SLC9A2: variants seen among roughly 807,000 people sequenced by gnomAD.
SLC9A2 encodes the protein sodium/hydrogen exchanger 2.
In SLC9A2, 42 loss-of-function variants were observed where a neutral mutation model predicts 71.7. The ratio of observed to expected loss-of-function variants is 0.59; its 90% CI spans 0.46 to 0.76. The LOEUF is 0.76. SLC9A2 is among the 30% of genes least tolerant of loss of function. The probability of loss-of-function intolerance (pLI) is 0.00; values close to 1 mark genes in which losing one functional copy is unlikely to be tolerated. For synonymous variants in SLC9A2, 396 were observed against 392.5 expected, an observed-to-expected ratio of 1.01 and a Z score of -0.10; for missense variants, 829 against 1,017.4, an observed-to-expected ratio of 0.81 and a Z score of 2.52.
At chr2:102,643,184 C>T (rs955076941) in intron 1 of SLC9A2, among the ~76,000 whole-genome samples, 15 of 152,134 alleles carry the variant, frequency 9.9e-5, no homozygotes, top group Admixed American at 2.6e-4. Context: ...ATGTTCTCTG[C>T]GTTCTTTACG....
At chr2:102,645,405 T>A (rs971897139) in intron 1 of SLC9A2, among the ~76,000 whole-genome samples, 2 of 152,036 alleles carry the variant, frequency 1.3e-5, no homozygotes, top group African/African-American at 2.4e-5. Flanking sequence ...CTCCAAATGA[T>A]AACAACTCCT....
chr2:102,623,259 GC>G (rs886577470), intron 1 of SLC9A2, among the ~76,000 whole-genome samples: 1 of 152,290 alleles, frequency 6.6e-6, no homozygotes, highest in Admixed American at 6.5e-5. Flanking sequence ...TAATTTCCAT[GC>G]AGAGAGTGGT....
intron 2 of SLC9A2, among the ~76,000 whole-genome samples, chr2:102,659,265 C>T (rs980839936): frequency 2.1e-4 from 23 of 108,526 alleles, no homozygotes; most frequent in African/African-American, 8.5e-4. Context: ...CCTGTCTCTA[C>T]TAAAAATACA....
At chr2:102,645,673 C>T (rs113048667) in intron 1 of SLC9A2, among the ~76,000 whole-genome samples, 7,755 of 151,482 alleles carry the variant, frequency 0.051, 602 homozygotes, top group African/African-American at 0.17. Flanking sequence ...TGTCAATAGC[C>T]GAATTAATCA....
rs140879538 is a variant in SLC9A2, at chr2:102,674,810, A to C, written c.1005-8451A>C. On this transcript the variant is annotated intron_variant, in intron 3 of 11. Coordinates refer to ENST00000233969, the MANE Select transcript of SLC9A2 (RefSeq NM_003048.6). ...GGACAAGGGACTCCTATGTCTGCCT[A>C]AGCATTTCTCTCTCTCAACTTTGTG... Among the ~76,000 whole-genome samples, 97 of 152,308 alleles carry C rather than the reference A, an allele frequency of 6.4e-4. 1 individual carries two copies. Among genetic ancestry groups the C allele is most frequent in the Middle Eastern group, 3.4e-3 (1 of 294 alleles).
At chr2:102,667,221 A>T (rs1677158603) in intron 3 of SLC9A2, among the ~76,000 whole-genome samples, 1 of 151,760 alleles carries the variant, frequency 6.6e-6, no homozygotes, top group African/African-American at 2.4e-5. Context: ...TATGACTTCC[A>T]GTTTCCTCAC....
chr2:102,685,672 G>C (rs1479679356), intron 5 of SLC9A2, among the ~76,000 whole-genome samples: 1 of 151,378 alleles, frequency 6.6e-6, no homozygotes, highest in Non-Finnish European at 1.5e-5. Context: ...TTTGGCCTGA[G>C]CAGCTAGAAG....
intron 3 of SLC9A2, among the ~76,000 whole-genome samples, chr2:102,675,462 A>T (rs980492233): frequency 1.3e-5 from 2 of 152,140 alleles, no homozygotes; most frequent in African/African-American, 2.4e-5. Context: ...ACACCATGAC[A>T]CTTACAACTG....
chr2:102,674,432 C>T (rs1187828762), intron 3 of SLC9A2, among the ~76,000 whole-genome samples: 1 of 152,154 alleles, frequency 6.6e-6, no homozygotes, highest in Non-Finnish European at 1.5e-5. Flanking sequence ...CTGCCTGCAG[C>T]TCCTCTTGAT....
At chr2:102,652,489 A>G (rs1180831475) in intron 1 of SLC9A2, among the ~76,000 whole-genome samples, 1 of 152,112 alleles carries the variant, frequency 6.6e-6, no homozygotes, top group Non-Finnish European at 1.5e-5. Flanking sequence ...AGGAAAATCC[A>G]CATCCAGCAA....
At position 102,677,291 on chromosome 2, in the gene SLC9A2, C is replaced by T. The variant is rs569160677; in HGVS notation, c.1005-5970C>T. ...GAAAGTCTATTTCCACCCACCCTCC[C>T]CAGGGGGAAAAAAAAAACTCTTTTG... On this transcript the variant is annotated intron_variant, in intron 3 of 11. Transcript: ENST00000233969. Among the ~76,000 whole-genome samples, 4 of 149,712 alleles carry T rather than the reference C, an allele frequency of 2.7e-5. No homozygotes were observed. The South Asian group carries it at 8.3e-4, about 31-fold the overall frequency.
chr2:102,628,625 T>A lies in SLC9A2; in HGVS notation c.289+8488T>A, dbSNP rs562350623. ...ACTGTCACTCAGCTCTCGGTATTTT[T>A]AAACCCCCTTGTGATATTTTATTCT... On this transcript the variant is annotated intron_variant, in intron 1 of 11. Coordinates refer to ENST00000233969, the MANE Select transcript of SLC9A2 (RefSeq NM_003048.6). Among the ~76,000 whole-genome samples the A allele has an allele frequency of 3.9e-5, 6 of 152,238 alleles. No individual in the cohort carries two copies. In the East Asian group the frequency reaches 1.2e-3, roughly 29 times the overall value.
At chr2:102,631,646 T>C (rs1223688550) in intron 1 of SLC9A2, among the ~76,000 whole-genome samples, 2 of 152,088 alleles carry the variant, frequency 1.3e-5, no homozygotes, top group East Asian at 3.9e-4. Flanking sequence ...TTACACAGCA[T>C]GTTTTAAGGA....
At chr2:102,655,637 T>G (rs1676924663) in intron 1 of SLC9A2, among the ~76,000 whole-genome samples, 1 of 152,212 alleles carries the variant, frequency 6.6e-6, no homozygotes, top group African/African-American at 2.4e-5. Context: ...ACCACCATCA[T>G]ATATGTGGTC....
rs375609553 is a variant in SLC9A2 at position 102,686,256 on chromosome 2, T to A, written c.1425+1920T>A. Among the ~76,000 whole-genome samples the A allele has an allele frequency of 4.6e-5, 7 of 152,288 alleles. No individual in the cohort carries two copies. In the East Asian group the frequency reaches 1.4e-3, roughly 29 times the overall value. On this transcript the variant is annotated intron_variant, in intron 5 of 11. Coordinates refer to ENST00000233969, the MANE Select transcript of SLC9A2 (RefSeq NM_003048.6). ...GAAAGTGGGGCACTGAAACTGAGGCTAAGTAAGTTTACCAAATTTGCACAG... is the reference window on the plus strand; with the variant it reads ...GAAAGTGGGGCACTGAAACTGAGGCAAAGTAAGTTTACCAAATTTGCACAG...
intron 5 of SLC9A2, among the ~76,000 whole-genome samples, chr2:102,693,778 CA>C (rs1677705490): frequency 2.0e-5 from 3 of 152,212 alleles, no homozygotes; most frequent in Admixed American, 1.3e-4. Context: ...TATAAGACTG[CA>C]AAGTCCTAGA....
intron 1 of SLC9A2, among the ~76,000 whole-genome samples, chr2:102,631,995 G>GAGATATATAT (rs1379688833): frequency 6.9e-5 from 3 of 43,230 alleles, no homozygotes; most frequent in African/African-American, 1.6e-4. Flanking sequence ...TGAAAGTGGG[G>GAGATATATAT]ATATATATAT....
At chr2:102,704,434 T>A in intron 9 of SLC9A2, 110 bp from the exon 10 acceptor site, 1 of 958,336 alleles carries the variant, frequency 1.0e-6, no homozygotes, top group East Asian at 2.7e-5. Flanking sequence ...TTATAAGTGC[T>A]TAGCTGAGGT....
chr2:102,702,948 TAGAG>T (rs1340558087), intron 9 of SLC9A2, among the ~76,000 whole-genome samples: 2 of 152,100 alleles, frequency 1.3e-5, no homozygotes, highest in African/African-American at 4.8e-5. Context: ...AGCTACAGAG[TAGAG>T]AGTGTCCTCA....
Sources: gnomAD v4.1 joint callset for allele counts (sites outside exome capture counted in the v4.1 genomes callset) on GRCh38, gnomAD v4.1.1 for gene constraint, MANE v1.5 for transcripts, NCBI Gene and HGNC (gene_info 2026-07-23, HGNC 2026-07-21) for gene names.